SYNE2: variants seen among roughly 807,000 people sequenced by gnomAD.
The protein encoded by SYNE2 is nesprin-2.
In SYNE2, 431 loss-of-function variants were observed where a neutral mutation model predicts 856.3. That is an observed-to-expected ratio of 0.50 (90% CI 0.47 to 0.55). The LOEUF (loss-of-function observed/expected upper bound fraction) is 0.55, where lower values mean the gene tolerates loss of function less well. Among genes scored for constraint, SYNE2 ranks in the 20% least tolerant of loss-of-function variants. The pLI, the probability that SYNE2 is intolerant of heterozygous loss-of-function variation, is 0.00. For missense variants in SYNE2, 8,129 were observed against 8,023.2 expected, an observed-to-expected ratio of 1.01 and a Z score of -0.50; for synonymous variants, 2,923 against 2,872.3, an observed-to-expected ratio of 1.02 and a Z score of -0.56.
intron 1 of SYNE2, among the ~76,000 whole-genome samples, chr14:63,831,235 T>C (rs926781318): frequency 6.6e-6 from 1 of 152,138 alleles, no homozygotes; most frequent in Admixed American, 6.6e-5. Flanking sequence ...GTGGTACGTA[T>C]CTTCAGACCC....
At chr14:63,871,546 A>G (rs1016815439) in intron 1 of SYNE2, among the ~76,000 whole-genome samples, 3 of 151,016 alleles carry the variant, frequency 2.0e-5, no homozygotes, top group Admixed American at 6.6e-5. Context: ...TAGAACAAGT[A>G]TTTCCTTAAC....
intron 1 of SYNE2, among the ~76,000 whole-genome samples, chr14:63,828,168 G>A (rs998563228): frequency 1.3e-5 from 2 of 151,710 alleles, no homozygotes; most frequent in African/African-American, 4.8e-5. Flanking sequence ...CTGCACTTCA[G>A]CCTGGGTGAC....
chr14:63,813,774 C>G (rs967367949), intron 1 of SYNE2, among the ~76,000 whole-genome samples: 1 of 152,144 alleles, frequency 6.6e-6, no homozygotes, highest in Admixed American at 6.6e-5. Context: ...AAGTATTAGA[C>G]CGGGTGTGGT....
intron 1 of SYNE2, among the ~76,000 whole-genome samples, chr14:63,841,808 A>G (rs1325598069): frequency 7.8e-5 from 10 of 127,484 alleles, no homozygotes; most frequent in Admixed American, 7.7e-4. Flanking sequence ...TTTTTTGCCC[A>G]TTTTTCTTTT....
intron 6 of SYNE2, among the ~76,000 whole-genome samples, chr14:63,949,581 C>A (rs776380102): frequency 2.0e-5 from 3 of 152,116 alleles, no homozygotes; most frequent in Non-Finnish European, 4.4e-5. Context: ...TGAGGGACAT[C>A]CCTCAATGTG....
chr14:63,776,345 C>G (rs1887103458), intron 1 of SYNE2, among the ~76,000 whole-genome samples: 1 of 152,176 alleles, frequency 6.6e-6, no homozygotes. Flanking sequence ...GTAATATCTA[C>G]TGTGAATAGC....
At chr14:64,124,394 TTG>T (rs1186636225) in intron 70 of SYNE2, among the ~76,000 whole-genome samples, 72 of 142,896 alleles carry the variant, frequency 5.0e-4, no homozygotes, top group South Asian at 2.3e-3. Context: ...TTTTTTTTTT[TTG>T]CAGAGAATGT....
Position 64,052,135 on chromosome 14 carries a change from T to C in SYNE2, c.8222T>C (p.Leu2741Ser). ...DIRNKMKETILWAKNLLGELN... is the reference protein window; with the variant it reads ...DIRNKMKETISWAKNLLGELN... ...AGGAACAAGATGAAAGAGACTATCT[T>C]ATGGGCCAAGAATTTGTTGGGTGAA... Residue 2741 changes from leucine to serine, a missense_variant, in exon 48 of 116, where the codon TTA (leucine) becomes TCA (serine). This residue lies in a region of SYNE2 where 5,410 missense variants were observed against 5,284.8 expected (regional missense o/e 1.02). Coordinates refer to ENST00000555002, the MANE Select transcript of SYNE2 (RefSeq NM_182914.3). The C allele has an allele frequency of 6.2e-7, 1 of 1,614,134 alleles. No individual in the cohort carries two copies. Among genetic ancestry groups the C allele is most frequent in the Non-Finnish European group, 8.5e-7 (1 of 1,180,022 alleles).
At chr14:64,130,354 G>A (rs2098002992) in intron 76 of SYNE2, 106 bp downstream of exon 76, 2 of 1,047,058 alleles carry the variant, frequency 1.9e-6, no homozygotes, top group African/African-American at 1.6e-5. Flanking sequence ...TGAAATTTAA[G>A]CTATTCATTC....
chr14:64,058,509 C>A (rs2097291280), intron 49 of SYNE2, among the ~76,000 whole-genome samples: 1 of 152,052 alleles, frequency 6.6e-6, no homozygotes, highest in African/African-American at 2.4e-5. Context: ...TTTTTTGAGA[C>A]AGAATCTCAC....
intron 2 of SYNE2, among the ~76,000 whole-genome samples, chr14:63,919,188 A>G (rs1039656113): frequency 2.0e-4 from 30 of 152,214 alleles, no homozygotes; most frequent in Non-Finnish European, 8.8e-5. Flanking sequence ...AATAACTTCA[A>G]TAAGCTTCAT....
At chr14:63,798,596 G>T (rs1483698818) in intron 1 of SYNE2, among the ~76,000 whole-genome samples, 5 of 151,896 alleles carry the variant, frequency 3.3e-5, no homozygotes. Flanking sequence ...GTTTCACCAT[G>T]TTGGCCAGCC....
chr14:63,998,793 C>T (rs2096732432), intron 26 of SYNE2, 121 bp from the exon 27 acceptor site: 2 of 1,070,668 alleles, frequency 1.9e-6, no homozygotes, highest in African/African-American at 3.1e-5. Flanking sequence ...AAACTCCTGA[C>T]CTCAGGCAAT....
Position 64,070,823 on chromosome 14 carries a change from G to A in SYNE2, c.10610G>A (p.Ser3537Asn). ...LLTLLLQRIR[S>N]IQNVPESSGA... is the part of the protein sequence containing the mutation. ...ACTCTACTTCTTCAGCGCATCAGAA[G>A]TATCCAGAATGTTCCTGAAAGCTCA... The change falls in exon 52 of 116, where the codon AGT (serine) becomes AAT (asparagine). Residue 3537 changes from serine (S) to asparagine (N), a missense_variant. Coordinates refer to ENST00000555002, the MANE Select transcript of SYNE2 (RefSeq NM_182914.3). 1.9e-6 allele frequency: 3 copies of A among 1,614,186 alleles called. No homozygotes were observed. The highest frequency in any genetic ancestry group is 2.2e-5 in the South Asian group (2 of 91,088).
At chr14:63,772,432 A>T (rs1269419475) in intron 1 of SYNE2, among the ~76,000 whole-genome samples, 1 of 151,996 alleles carries the variant, frequency 6.6e-6, no homozygotes, top group Non-Finnish European at 1.5e-5. Context: ...TTAGCAATAC[A>T]TCTTTTACTT....
At chr14:64,095,999 C>T (rs1256842543) in intron 61 of SYNE2, among the ~76,000 whole-genome samples, 2 of 152,060 alleles carry the variant, frequency 1.3e-5, no homozygotes, top group South Asian at 2.1e-4. Flanking sequence ...TGTGAGAACA[C>T]GACAAATCTC....
At chr14:63,987,113 C>T (rs984542652) in intron 19 of SYNE2, among the ~76,000 whole-genome samples, 23 of 152,028 alleles carry the variant, frequency 1.5e-4, no homozygotes, top group Non-Finnish European at 2.8e-4. Context: ...ATTAGCTGGA[C>T]GTGGTGGCGC....
At chr14:63,928,665 GTTTC>G (rs757739844) in intron 2 of SYNE2, among the ~76,000 whole-genome samples, 32 of 151,898 alleles carry the variant, frequency 2.1e-4, no homozygotes, top group Non-Finnish European at 3.7e-4. Flanking sequence ...TCCTTAATTT[GTTTC>G]TTTATTTATT....
At chr14:63,859,984 C>T (rs912040521) in intron 1 of SYNE2, among the ~76,000 whole-genome samples, 3 of 132,526 alleles carry the variant, frequency 2.3e-5, no homozygotes, top group African/African-American at 8.3e-5. Context: ...TTCCTCCCTT[C>T]CTTCCTTCGT....
Sources: gnomAD v4.1 joint callset for allele counts (sites outside exome capture counted in the v4.1 genomes callset) on GRCh38, gnomAD v4.1.1 for gene constraint, gnomAD v4.1.1 regional missense constraint, MANE v1.5 for transcripts, NCBI Gene and HGNC (gene_info 2026-07-23, HGNC 2026-07-21) for gene names.